The following SORCS3 variants were observed in gnomAD, a reference collection of about 807,000 sequenced individuals.
The protein encoded by SORCS3 is VPS10 domain-containing receptor SorCS3.
SORCS3 carries 57 observed loss-of-function variants against 146.3 expected under a neutral mutation model. The observed-to-expected ratio is 0.39, with a 90% CI of 0.31 to 0.49. The LOEUF is 0.49. Among genes scored for constraint, SORCS3 ranks in the 20% least tolerant of loss-of-function variants. SORCS3 has a pLI of 0.92. For missense variants in SORCS3, 1,341 were observed against 1,575.5 expected, an observed-to-expected ratio of 0.85 and a Z score of 2.52; for synonymous variants, 653 against 618.5, an observed-to-expected ratio of 1.06 and a Z score of -0.83.
At chr10:104,682,707 T>C (rs1367904833) in intron 1 of SORCS3, among the ~76,000 whole-genome samples, 1 of 152,196 alleles carries the variant, frequency 6.6e-6, no homozygotes, top group Non-Finnish European at 1.5e-5. Flanking sequence ...CTCCAGCATA[T>C]TTATTTTGCT....
intron 1 of SORCS3, among the ~76,000 whole-genome samples, chr10:104,781,473 C>A (rs1197162839): frequency 6.6e-6 from 1 of 152,196 alleles, no homozygotes; most frequent in African/African-American, 2.4e-5. Flanking sequence ...CAGTTTTATT[C>A]TGGCCATTTC....
At chr10:105,161,417 C>T (rs1287059044) in intron 11 of SORCS3, among the ~76,000 whole-genome samples, 1 of 152,136 alleles carries the variant, frequency 6.6e-6, no homozygotes, top group Non-Finnish European at 1.5e-5. Flanking sequence ...TCCACCTGCC[C>T]TTCAGGTGTC....
intron 1 of SORCS3, among the ~76,000 whole-genome samples, chr10:104,733,653 T>G (rs903421894): frequency 6.6e-6 from 1 of 152,036 alleles, no homozygotes; most frequent in South Asian, 2.1e-4. Context: ...TTCAAAGTGA[T>G]CCCTATAGTT....
At chr10:105,170,745 A>C (rs1482642163) in intron 13 of SORCS3, among the ~76,000 whole-genome samples, 2 of 152,176 alleles carry the variant, frequency 1.3e-5, no homozygotes, top group Non-Finnish European at 2.9e-5. Context: ...CAACCAACTC[A>C]TTTGGGAATT....
At chr10:105,009,315 G>A (rs1269808918) in intron 4 of SORCS3, among the ~76,000 whole-genome samples, 1 of 152,046 alleles carries the variant, frequency 6.6e-6, no homozygotes, top group Non-Finnish European at 1.5e-5. Flanking sequence ...AGAAACAGAG[G>A]AAACATACTT....
chr10:104,669,988 C>G (rs1405664998), intron 1 of SORCS3, among the ~76,000 whole-genome samples: 1 of 151,894 alleles, frequency 6.6e-6, no homozygotes, highest in African/African-American at 2.4e-5. Context: ...TATTGAACAT[C>G]TTTTCATGTG....
At chr10:105,086,420 A>G (rs1034254145) in intron 5 of SORCS3, among the ~76,000 whole-genome samples, 2 of 145,692 alleles carry the variant, frequency 1.4e-5, no homozygotes, top group Non-Finnish European at 3.0e-5. Flanking sequence ...CTCTAGAAGT[A>G]TAAAGGAGAG....
chr10:104,921,443 C>T (rs892827229), intron 3 of SORCS3, among the ~76,000 whole-genome samples: 2 of 151,894 alleles, frequency 1.3e-5, no homozygotes, highest in African/African-American at 2.4e-5. Flanking sequence ...ACTGGTCTAA[C>T]AGCCAGAGAA....
chr10:104,700,615 CG>C (rs1380172261), intron 1 of SORCS3, among the ~76,000 whole-genome samples: 28 of 141,930 alleles, frequency 2.0e-4, no homozygotes, highest in Admixed American at 1.9e-3. Context: ...AAAATGGAGT[CG>C]GGAGAGCAGT....
At chr10:105,259,682 T>C (rs2056949728) in intron 25 of SORCS3, among the ~76,000 whole-genome samples, 1 of 152,190 alleles carries the variant, frequency 6.6e-6, no homozygotes, top group East Asian at 1.9e-4. Flanking sequence ...GATCTGCTTT[T>C]TCTCTATCCA....
chr10:105,160,214 C>T (rs1356843405), intron 11 of SORCS3, among the ~76,000 whole-genome samples: 1 of 152,138 alleles, frequency 6.6e-6, no homozygotes, highest in Non-Finnish European at 1.5e-5. Flanking sequence ...TAGTGTGTAG[C>T]CAGGCATTGT....
intron 7 of SORCS3, among the ~76,000 whole-genome samples, chr10:105,127,034 C>G (rs1458116024): frequency 6.6e-6 from 1 of 152,082 alleles, no homozygotes; most frequent in African/African-American, 2.4e-5. Flanking sequence ...GGTACTGAAC[C>G]AGTACTCGCT....
chr10:105,170,909 C>G (rs1329992919), intron 13 of SORCS3, among the ~76,000 whole-genome samples: 1 of 152,096 alleles, frequency 6.6e-6, no homozygotes, highest in African/African-American at 2.4e-5. Context: ...TTTTTCTTCA[C>G]TAGGAGCTTC....
chr10:105,247,601 A>G (rs1251026139), intron 22 of SORCS3, among the ~76,000 whole-genome samples: 1 of 152,146 alleles, frequency 6.6e-6, no homozygotes, highest in Non-Finnish European at 1.5e-5. Flanking sequence ...TACAAAAATT[A>G]GCTGCATGTG....
chr10:105,249,759 G>A (rs772948523), intron 22 of SORCS3, among the ~76,000 whole-genome samples: 12 of 152,096 alleles, frequency 7.9e-5, no homozygotes, highest in Non-Finnish European at 1.2e-4. Flanking sequence ...GGTGGTGCAT[G>A]CTGGTAGTCC....
chr10:105,184,947 T>C (rs1292624188), intron 14 of SORCS3, among the ~76,000 whole-genome samples: 16 of 152,218 alleles, frequency 1.1e-4, no homozygotes, highest in Admixed American at 1.0e-3. Context: ...GAACTTTATG[T>C]GCATTGAAGA....
At chr10:104,642,022 G>GGGGGGGGGGGGGGCCCCCCCC in intron 1 of SORCS3, 68 bp downstream of exon 1, 1 of 173,334 alleles carries the variant, frequency 5.8e-6, no homozygotes, top group Non-Finnish European at 1.1e-5. Context: ...GGGTGGGTGG[G>GGGGGGGGGGGGGGCCCCCCCC]AGCGAGGGAC....
At chr10:104,832,803 C>G (rs2018016343) in intron 1 of SORCS3, among the ~76,000 whole-genome samples, 1 of 152,196 alleles carries the variant, frequency 6.6e-6, no homozygotes, top group African/African-American at 2.4e-5. Context: ...CCTTGGGAAG[C>G]AATACTTCTC....
chr10:105,023,433 A>G (rs1390145374), intron 4 of SORCS3, among the ~76,000 whole-genome samples: 22 of 152,114 alleles, frequency 1.4e-4, no homozygotes, highest in Non-Finnish European at 2.1e-4. Context: ...CAATGGTTGG[A>G]GGGTGGAGAA....
Sources: gnomAD v4.1 joint callset for allele counts (sites outside exome capture counted in the v4.1 genomes callset) on GRCh38, gnomAD v4.1.1 for gene constraint, MANE v1.5 for transcripts, NCBI Gene and HGNC (gene_info 2026-07-23, HGNC 2026-07-21) for gene names.